NLGN1: variants seen among roughly 807,000 people sequenced by gnomAD.
NLGN1 encodes the protein neuroligin-1.
Under a neutral mutation model 65.5 loss-of-function variants are expected in NLGN1, and 12 were observed. The ratio of observed to expected loss-of-function variants is 0.18; its 90% CI spans 0.12 to 0.30. The LOEUF is 0.30. Among genes scored for constraint, NLGN1 ranks in the 10% least tolerant of loss-of-function variants. The pLI is 1.00. For missense variants in NLGN1, 750 were observed against 1,007.1 expected (o/e 0.74, Z 3.46); for synonymous variants, 350 against 359.5 (o/e 0.97, Z 0.30).
intron 2 of NLGN1, among the ~76,000 whole-genome samples, chr3:173,479,922 A>T (rs483487): frequency 5.9e-5 from 9 of 151,938 alleles, no homozygotes; most frequent in Non-Finnish European, 1.2e-4. Flanking sequence ...TGTTAAAGTG[A>T]GAAGGATCAG....
intron 3 of NLGN1, among the ~76,000 whole-genome samples, chr3:173,661,650 T>G (rs1760945124): frequency 1.3e-5 from 2 of 152,048 alleles, no homozygotes; most frequent in African/African-American, 4.8e-5. Context: ...CATAAGTTTA[T>G]GTTGTGATTA....
chr3:174,237,948 AAGTCAGT>A (rs1425192082), intron 4 of NLGN1, among the ~76,000 whole-genome samples: 1 of 152,222 alleles, frequency 6.6e-6, no homozygotes, highest in African/African-American at 2.4e-5. Context: ...TGTGGCAAAG[AAGTCAGT>A]TGCTAATAAG....
intron 3 of NLGN1, among the ~76,000 whole-genome samples, chr3:173,743,807 C>T (rs1180548222): frequency 2.0e-5 from 3 of 152,008 alleles, no homozygotes; most frequent in African/African-American, 4.8e-5. Flanking sequence ...AACTTCAGTC[C>T]ATATAATTGC....
At chr3:174,264,193 T>C (rs1482120486) in intron 4 of NLGN1, among the ~76,000 whole-genome samples, 4 of 150,316 alleles carry the variant, frequency 2.7e-5, no homozygotes, top group Admixed American at 2.6e-4. Flanking sequence ...AGTATCTTTG[T>C]GGCGTTCTCT....
At chr3:174,266,526 T>G (rs1006412742) in intron 4 of NLGN1, among the ~76,000 whole-genome samples, 3 of 152,156 alleles carry the variant, frequency 2.0e-5, no homozygotes, top group Admixed American at 6.6e-5. Flanking sequence ...CATACATGTG[T>G]ATGTGTCTTC....
At chr3:173,589,073 G>T (rs1747995854) in intron 2 of NLGN1, among the ~76,000 whole-genome samples, 1 of 152,170 alleles carries the variant, frequency 6.6e-6, no homozygotes, top group East Asian at 1.9e-4. Flanking sequence ...TATATCACAG[G>T]AAATTAAGTT....
intron 1 of NLGN1, among the ~76,000 whole-genome samples, chr3:173,412,581 A>G (rs1290561640): frequency 6.6e-6 from 1 of 152,168 alleles, no homozygotes; most frequent in Admixed American, 6.5e-5. Context: ...CACACTAACA[A>G]AATATTTCAG....
chr3:173,471,145 T>G (rs373808569), intron 2 of NLGN1, among the ~76,000 whole-genome samples: 9 of 152,300 alleles, frequency 5.9e-5, no homozygotes, highest in African/African-American at 9.6e-5. Flanking sequence ...CATTGTACTT[T>G]GAAGTACTAC....
chr3:173,875,602 T>A (rs1449914184), intron 4 of NLGN1, among the ~76,000 whole-genome samples: 1 of 152,190 alleles, frequency 6.6e-6, no homozygotes, highest in African/African-American at 2.4e-5. Flanking sequence ...TTATTCCAAA[T>A]AATTTTGAAC....
chr3:173,714,297 A>C (rs1013667124), intron 3 of NLGN1, among the ~76,000 whole-genome samples: 1 of 152,140 alleles, frequency 6.6e-6, no homozygotes, highest in Non-Finnish European at 1.5e-5. Context: ...TCTCATCTAA[A>C]GTTGGGGCCA....
chr3:173,631,931 TC>T (rs1302707848), intron 3 of NLGN1, among the ~76,000 whole-genome samples: 20 of 152,138 alleles, frequency 1.3e-4, no homozygotes, highest in Non-Finnish European at 2.5e-4. Flanking sequence ...TTAATATTTT[TC>T]TTTTTTCTTA....
chr3:173,965,237 A>G (rs1714566513), intron 4 of NLGN1, among the ~76,000 whole-genome samples: 1 of 152,008 alleles, frequency 6.6e-6, no homozygotes, highest in Non-Finnish European at 1.5e-5. Flanking sequence ...TGTTGAATCC[A>G]TGTTTTCCAA....
At chr3:173,902,115 C>T (rs962701487) in intron 4 of NLGN1, among the ~76,000 whole-genome samples, 1 of 152,032 alleles carries the variant, frequency 6.6e-6, no homozygotes, top group Admixed American at 6.6e-5. Flanking sequence ...TTTCAAGAAA[C>T]CTTGAAGAAA....
In NLGN1 at chr3:174,086,630, T is replaced by G. The variant is rs569150527; in HGVS notation, c.647-188685T>G. On this transcript the variant is annotated intron_variant, in intron 4 of 6. Transcript: ENST00000457714. ...GATTGGAAAAAGAAACTGAAAAATTTTAATAGCCTTTGTACATTTGTGGTG... is the reference window on the plus strand; with the variant it reads ...GATTGGAAAAAGAAACTGAAAAATTGTAATAGCCTTTGTACATTTGTGGTG... Among the ~76,000 whole-genome samples, 17 of 151,920 alleles carry G rather than the reference T, an allele frequency of 1.1e-4. No individual in the cohort carries two copies. In the South Asian group the frequency reaches 2.9e-3, roughly 26 times the overall value.
intron 3 of NLGN1, among the ~76,000 whole-genome samples, chr3:173,777,583 T>A (rs1780484934): frequency 1.3e-5 from 2 of 151,850 alleles, no homozygotes; most frequent in Non-Finnish European, 3.0e-5. Context: ...GTCAACCTAC[T>A]GTGCAATAGA....
chr3:173,570,016 C>T (rs1344415928), intron 2 of NLGN1, among the ~76,000 whole-genome samples: 1 of 152,054 alleles, frequency 6.6e-6, no homozygotes, highest in Non-Finnish European at 1.5e-5. Flanking sequence ...TCCCAAAGAA[C>T]AATTAATATA....
intron 3 of NLGN1, among the ~76,000 whole-genome samples, chr3:173,686,609 C>T (rs1764714543): frequency 6.6e-6 from 1 of 152,082 alleles, no homozygotes; most frequent in Non-Finnish European, 1.5e-5. Context: ...ATCCATGCTT[C>T]CCCCAGCCAT....
chr3:173,738,020 T>C (rs1774053068), intron 3 of NLGN1, among the ~76,000 whole-genome samples: 1 of 152,224 alleles, frequency 6.6e-6, no homozygotes, highest in East Asian at 1.9e-4. Context: ...TGAGAATCTT[T>C]TGTGTGCTTG....
intron 1 of NLGN1, among the ~76,000 whole-genome samples, chr3:173,406,650 T>C (rs936005005): frequency 6.6e-6 from 1 of 151,568 alleles, no homozygotes; most frequent in African/African-American, 2.4e-5. Flanking sequence ...ATGCTACTAT[T>C]TGTGGATACA....
Sources: allele counts gnomAD v4.1 joint callset (sites outside exome capture counted in the v4.1 genomes callset), GRCh38; gene constraint gnomAD v4.1.1; transcripts MANE v1.5; gene names NCBI Gene and HGNC (gene_info 2026-07-23, HGNC 2026-07-21).